The following EYS variants were observed in gnomAD, a reference collection of about 807,000 sequenced individuals.
EYS encodes EGF-like photoreceptor maintenance factor.
In EYS, 250 loss-of-function variants were observed where a neutral mutation model predicts 282.1. That is an observed-to-expected ratio of 0.89 (90% CI 0.80 to 0.98). EYS has a LOEUF of 0.98. Ranked by LOEUF, EYS falls within the 50% of genes least tolerant of loss-of-function variation. EYS has a pLI of 0.00. For synonymous variants in EYS, 1,355 were observed against 1,282.9 expected (o/e 1.06, Z -1.20); for missense variants, 4,016 against 3,709.0 (o/e 1.08, Z -2.15).
Position 65,285,121 on chromosome 6 carries a change from T to C in EYS, c.2023+10742A>G, listed in dbSNP as rs554069622. Among the ~76,000 whole-genome samples the C allele has an allele frequency of 1.3e-4, 20 of 152,126 alleles. No individual in the cohort carries two copies. The East Asian group carries it at 3.9e-3, about 29-fold the overall frequency. On this transcript the variant is annotated intron_variant, in intron 12 of 42. Transcript: ENST00000503581. ...AGTGATTGTTGATACGTGGTATCTTTTACAAAATTGAGAAATATATGTTAA... is the reference window on the plus strand; with the variant it reads ...AGTGATTGTTGATACGTGGTATCTTCTACAAAATTGAGAAATATATGTTAA...
intron 35 of EYS, among the ~76,000 whole-genome samples, chr6:63,891,211 A>C (rs1278146582): frequency 6.6e-6 from 1 of 151,702 alleles, no homozygotes; most frequent in Non-Finnish European, 1.5e-5. Flanking sequence ...ATAGAAGAAG[A>C]GGGTTTCCAC....
At chr6:64,791,228 A>G (rs1774181489) in intron 22 of EYS, among the ~76,000 whole-genome samples, 1 of 151,846 alleles carries the variant, frequency 6.6e-6, no homozygotes, top group Non-Finnish European at 1.5e-5. Context: ...AAATTTGCAA[A>G]TTTCACTCAG....
chr6:64,004,368 CT>C (rs1459093273), intron 33 of EYS, among the ~76,000 whole-genome samples: 1 of 151,776 alleles, frequency 6.6e-6, no homozygotes, highest in Non-Finnish European at 1.5e-5. Context: ...AATATACTTT[CT>C]TATAAAATGT....
chr6:65,654,419 A>G (rs775853626), intron 1 of EYS, among the ~76,000 whole-genome samples: 1 of 151,908 alleles, frequency 6.6e-6, no homozygotes, highest in Admixed American at 6.6e-5. Context: ...TGACAACCCA[A>G]AGATTTTTCC....
chr6:64,969,439 G>T (rs1360592464), intron 14 of EYS, among the ~76,000 whole-genome samples: 2 of 152,106 alleles, frequency 1.3e-5, no homozygotes, highest in Non-Finnish European at 2.9e-5. Flanking sequence ...CATTGAAAAA[G>T]GCAAAGATTA....
chr6:65,331,638 T>A (rs1207715739), intron 11 of EYS: 1 of 981,058 alleles, frequency 1.0e-6, no homozygotes, highest in African/African-American at 1.8e-5. Context: ...CAAAAGAGAA[T>A]CACAAAATCA....
At chr6:64,640,900 G>T (rs1266827084) in intron 22 of EYS, among the ~76,000 whole-genome samples, 3 of 152,070 alleles carry the variant, frequency 2.0e-5, no homozygotes, top group Admixed American at 6.6e-5. Flanking sequence ...AGAATCTAAG[G>T]TCAGCTGCCC....
chr6:65,099,860 A>T (rs1774845100), intron 12 of EYS, among the ~76,000 whole-genome samples: 1 of 150,790 alleles, frequency 6.6e-6, no homozygotes, highest in Admixed American at 6.6e-5. Flanking sequence ...AAGGCAAAAG[A>T]CAAGAGATGA....
At chr6:64,551,820 C>T (rs1379849641) in intron 26 of EYS, among the ~76,000 whole-genome samples, 2 of 152,166 alleles carry the variant, frequency 1.3e-5, no homozygotes, top group South Asian at 4.1e-4. Context: ...TACAGTCCCA[C>T]CAACAGTGTA....
chr6:64,546,842 A>G (rs1269873421), intron 26 of EYS, among the ~76,000 whole-genome samples: 1 of 152,184 alleles, frequency 6.6e-6, no homozygotes, highest in African/African-American at 2.4e-5. Context: ...CACACCAGTT[A>G]GAATGGCGAT....
intron 22 of EYS, among the ~76,000 whole-genome samples, chr6:64,688,994 T>A (rs1019611101): frequency 1.4e-4 from 21 of 151,870 alleles, no homozygotes; most frequent in Non-Finnish European, 2.2e-4. Flanking sequence ...GAGAAGGAAA[T>A]AAAGGGCATT....
chr6:63,960,604 CTTTA>C (rs1239892596), intron 35 of EYS, among the ~76,000 whole-genome samples: 1 of 152,118 alleles, frequency 6.6e-6, no homozygotes, highest in African/African-American at 2.4e-5. Flanking sequence ...ATGTGACAAA[CTTTA>C]TTATTATCTT....
intron 7 of EYS, among the ~76,000 whole-genome samples, chr6:65,400,339 A>G (rs1464650105): frequency 6.6e-6 from 1 of 151,950 alleles, no homozygotes; most frequent in African/African-American, 2.4e-5. Flanking sequence ...TAAACAATCA[A>G]ACCATTCTTC....
chr6:65,265,995 C>G (rs1326927931), intron 12 of EYS, among the ~76,000 whole-genome samples: 2 of 151,650 alleles, frequency 1.3e-5, no homozygotes, highest in African/African-American at 4.8e-5. Flanking sequence ...TTTAGGCCAT[C>G]AGAGAATAAA....
chr6:64,026,190 G>A lies in EYS; in HGVS notation c.6726-27007C>T, dbSNP rs143744414. On this transcript the variant is annotated intron_variant, in intron 33 of 42. Transcript: ENST00000503581. The stretch of plus-strand genomic sequence containing the variant: ...CTGCATCAGTGAGCACAACTATTCC[G>A]ATCAGCAGGGTCCAGGGACTGTTAT... 6.2e-3 allele frequency among the ~76,000 whole-genome samples: 937 copies of A among 152,190 alleles called. 12 individuals carry two copies. Among genetic ancestry groups the A allele is most frequent in the African/African-American group, 0.021 (880 of 41,512 alleles).
At chr6:64,236,602 T>C (rs951281685) in intron 30 of EYS, among the ~76,000 whole-genome samples, 1 of 152,118 alleles carries the variant, frequency 6.6e-6, no homozygotes, top group Non-Finnish European at 1.5e-5. Context: ...TTTTCTTTTT[T>C]TGACTTTTAA....
At chr6:65,438,534 T>A (rs1168751312) in intron 5 of EYS, among the ~76,000 whole-genome samples, 4 of 152,208 alleles carry the variant, frequency 2.6e-5, no homozygotes, top group Admixed American at 6.5e-5. Flanking sequence ...TCCTGACTTT[T>A]TAATGATCGC....
At chr6:65,375,243 G>A (rs1765317022) in intron 8 of EYS, among the ~76,000 whole-genome samples, 1 of 152,156 alleles carries the variant, frequency 6.6e-6, no homozygotes, top group African/African-American at 2.4e-5. Context: ...CAAGCAAACA[G>A]GGTCTGCAGT....
At chr6:64,543,850 A>T (rs2149800589) in intron 26 of EYS, among the ~76,000 whole-genome samples, 1 of 152,274 alleles carries the variant, frequency 6.6e-6, no homozygotes, top group East Asian at 1.9e-4. Flanking sequence ...CGAAAACTAA[A>T]GTCTAGAGAG....
Sources: allele counts gnomAD v4.1 joint callset (sites outside exome capture counted in the v4.1 genomes callset), GRCh38; gene constraint gnomAD v4.1.1; transcripts MANE v1.5; gene names NCBI Gene and HGNC (gene_info 2026-07-23, HGNC 2026-07-21).